CCDC3: variants seen among roughly 807,000 people sequenced by gnomAD.
CCDC3 encodes the protein coiled-coil domain-containing protein 3.
Under a neutral mutation model 21.4 loss-of-function variants are expected in CCDC3, and 24 were observed. The ratio of observed to expected loss-of-function variants is 1.12; its 90% confidence interval spans 0.81 to 1.58. The LOEUF (loss-of-function observed/expected upper bound fraction) is 1.58. Ranked by LOEUF, CCDC3 falls within the 40% of genes most tolerant of loss-of-function variation. CCDC3 has a pLI of 0.00. For synonymous variants in CCDC3, 186 were observed against 166.0 expected (o/e 1.12, Z -0.93); for missense variants, 425 against 360.9 (o/e 1.18, Z -1.44).
chr10:12,908,943 G>C (rs1486136568), intron 2 of CCDC3, among the ~76,000 whole-genome samples: 2 of 152,140 alleles, frequency 1.3e-5, no homozygotes, highest in Non-Finnish European at 2.9e-5. Context: ...TGCAGAGAAG[G>C]TGTCCAGGTG....
chr10:12,906,933 A>T lies in CCDC3; in HGVS notation c.550-8254T>A, dbSNP rs181038772. On this transcript the variant is annotated intron_variant, in intron 2 of 2. Coordinates refer to ENST00000378825, the MANE Select transcript of CCDC3 (RefSeq NM_031455.4). ...TTTTGCATCTAATTCCTTCCACTAA[A>T]TCTCTGCTCACACCTTAACCAAACG... Among the ~76,000 whole-genome samples the T allele has an allele frequency of 1.6e-3, 247 of 152,082 alleles. 1 individual carries two copies. Among genetic ancestry groups the T allele is most frequent in the Admixed American group, 0.014 (213 of 15,286 alleles).
intron 5 of CCDC3, among the ~76,000 whole-genome samples, chr10:13,042,427 T>A (rs1836468973): frequency 6.6e-6 from 1 of 152,216 alleles, no homozygotes; most frequent in African/African-American, 2.4e-5. Flanking sequence ...CATAAGGTGG[T>A]CCCATGGCCC....
intron 2 of CCDC3, among the ~76,000 whole-genome samples, chr10:12,988,595 C>T (rs570393001): frequency 2.2e-4 from 33 of 152,274 alleles, no homozygotes; most frequent in Middle Eastern, 6.8e-3. Context: ...CTGCCCACCT[C>T]AGCCTCCCGA....
chr10:13,027,886 A>G (rs755415364), intron 5 of CCDC3, among the ~76,000 whole-genome samples: 2 of 152,158 alleles, frequency 1.3e-5, no homozygotes, highest in East Asian at 1.9e-4. Flanking sequence ...ATAGTTACAC[A>G]TGGAAAATGT....
Position 13,074,029 on chromosome 10 carries a change from G to T in CCDC3, c.-431C>A, listed in dbSNP as rs553166377. ...TCTCTTGAAGAATTCCATTGAACTG[G>T]TTCCAGAGTTGGTGTCTCTTTTCTA... On this transcript the variant is annotated 5_prime_UTR_variant, in exon 4 of 7. Coordinates refer to the CCDC3 transcript ENST00000378839. The T allele has an allele frequency of 4.0e-5, 6 of 151,318 alleles. No homozygotes were observed. In the East Asian group the frequency reaches 1.2e-3, roughly 29 times the overall value. The allele number at this position is 151,318 out of a possible 1,614,324, so 9.4% of individuals were successfully genotyped here.
At chr10:12,942,330 C>T (rs138738797) in intron 2 of CCDC3, among the ~76,000 whole-genome samples, 2 of 152,246 alleles carry the variant, frequency 1.3e-5, no homozygotes, top group African/African-American at 4.8e-5. Context: ...GGTACTGATA[C>T]AGGAGCTAAA....
At chr10:12,976,267 T>A (rs1015674469) in intron 2 of CCDC3, among the ~76,000 whole-genome samples, 11 of 152,220 alleles carry the variant, frequency 7.2e-5, no homozygotes, top group African/African-American at 2.7e-4. Flanking sequence ...AAAGGCGTTT[T>A]AGGACCTGGT....
intron 2 of CCDC3, among the ~76,000 whole-genome samples, chr10:12,916,408 TAG>T (rs1319061330): frequency 8.1e-6 from 1 of 123,036 alleles, no homozygotes. Flanking sequence ...GCCTGAGGGA[TAG>T]AGACAGACTC....
intron 5 of CCDC3, among the ~76,000 whole-genome samples, chr10:13,031,792 A>G (rs1836307248): frequency 6.6e-6 from 1 of 152,240 alleles, no homozygotes; most frequent in Non-Finnish European, 1.5e-5. Flanking sequence ...CTAAACCAGG[A>G]AGAAGTTGAA....
intron 2 of CCDC3, among the ~76,000 whole-genome samples, chr10:12,982,648 G>T (rs1026797321): frequency 6.6e-6 from 1 of 151,370 alleles, no homozygotes; most frequent in African/African-American, 2.4e-5. Flanking sequence ...ACAAAAATTA[G>T]CTGGGTGTGG....
chr10:12,916,302 CAT>C (rs1330721840), intron 2 of CCDC3, among the ~76,000 whole-genome samples: 5 of 151,950 alleles, frequency 3.3e-5, no homozygotes. Flanking sequence ...CATGGTGGTG[CAT>C]GCCTGTAATC....
rs1230733180 is a variant in CCDC3, at chr10:12,950,273, C to G, written c.549+48065G>C. 2.2e-4 allele frequency among the ~76,000 whole-genome samples: 33 copies of G among 152,220 alleles called. 1 individual carries two copies. The highest frequency in any genetic ancestry group is 2.1e-3 in the Admixed American group (32 of 15,274). On this transcript the variant is annotated intron_variant, in intron 2 of 2. Coordinates refer to ENST00000378825, the MANE Select transcript of CCDC3 (RefSeq NM_031455.4). Reference sequence around the variant, plus strand: ...TAATAATTATTGAATGCATGAATAACTACACATGACAAATAAGGCCTCAGG... The same window carrying G: ...TAATAATTATTGAATGCATGAATAAGTACACATGACAAATAAGGCCTCAGG...
At chr10:12,943,687 A>G (rs1428402871) in intron 2 of CCDC3, among the ~76,000 whole-genome samples, 1 of 152,182 alleles carries the variant, frequency 6.6e-6, no homozygotes, top group Non-Finnish European at 1.5e-5. Context: ...TAAATGGCAC[A>G]CCTGGTCTGA....
intron 2 of CCDC3, among the ~76,000 whole-genome samples, chr10:12,900,116 A>G (rs1215233465): frequency 2.0e-5 from 3 of 152,102 alleles, no homozygotes; most frequent in Non-Finnish European, 4.4e-5. Flanking sequence ...CACCTCCACC[A>G]TGATTGTGAG....
chr10:12,931,787 C>G (rs186695136), intron 2 of CCDC3, among the ~76,000 whole-genome samples: 1 of 152,202 alleles, frequency 6.6e-6, no homozygotes, highest in Non-Finnish European at 1.5e-5. Context: ...AGATCCTAAA[C>G]TGTCCACATT....
intron 3 of CCDC3, among the ~76,000 whole-genome samples, chr10:13,076,457 C>G (rs1308599405): frequency 1.3e-5 from 2 of 152,202 alleles, no homozygotes; most frequent in African/African-American, 4.8e-5. Flanking sequence ...GTAGGAGTGT[C>G]CTGTGTAGAA....
chr10:13,097,452 C>T (rs533803274), intron 3 of CCDC3, among the ~76,000 whole-genome samples: 4 of 152,162 alleles, frequency 2.6e-5, no homozygotes, highest in Non-Finnish European at 4.4e-5. Flanking sequence ...GGCTGGGCAC[C>T]GTGGCTCACA....
At chr10:12,995,523 T>TGA (rs1835748372) in intron 2 of CCDC3, among the ~76,000 whole-genome samples, 1 of 152,200 alleles carries the variant, frequency 6.6e-6, no homozygotes, top group Non-Finnish European at 1.5e-5. Flanking sequence ...AATACAGGCG[T>TGA]GAGCCACTGC....
At chr10:12,951,731 G>C (rs1835010705) in intron 2 of CCDC3, among the ~76,000 whole-genome samples, 2 of 150,080 alleles carry the variant, frequency 1.3e-5, no homozygotes, top group Non-Finnish European at 3.0e-5. Flanking sequence ...CTTGAACCTG[G>C]GAGGCGGAGG....
Sources: allele counts gnomAD v4.1 joint callset (sites outside exome capture counted in the v4.1 genomes callset), GRCh38; gene constraint gnomAD v4.1.1; transcripts MANE v1.5; gene names NCBI Gene and HGNC (gene_info 2026-07-23, HGNC 2026-07-21).